PTPRD: variants seen among roughly 807,000 people sequenced by gnomAD.
PTPRD encodes protein tyrosine phosphatase receptor type D.
A neutral mutation model predicts 214.5 loss-of-function variants in PTPRD; 34 were observed. The ratio of observed to expected loss-of-function variants is 0.16; its 90% CI spans 0.12 to 0.21. The LOEUF is 0.21. PTPRD is among the 10% of genes least tolerant of loss of function. The probability of loss-of-function intolerance (pLI) is 1.00; values close to 1 mark genes in which losing one functional copy is unlikely to be tolerated. For synonymous variants in PTPRD, 1,128 were observed against 845.7 expected (o/e 1.33, Z -5.79); for missense variants, 2,545 against 2,398.7 (o/e 1.06, Z -1.27).
chr9:9,694,330 C>T (rs997790630), intron 7 of PTPRD, among the ~76,000 whole-genome samples: 1 of 151,898 alleles, frequency 6.6e-6, no homozygotes, highest in African/African-American at 2.4e-5. Flanking sequence ...TCTTGGTGGT[C>T]TTGGATAAGA....
At chr9:8,743,172 T>G (rs916014298) in intron 11 of PTPRD, among the ~76,000 whole-genome samples, 1 of 152,024 alleles carries the variant, frequency 6.6e-6, no homozygotes, top group Non-Finnish European at 1.5e-5. Flanking sequence ...CCACCAATTT[T>G]AGGTGTTTTC....
In PTPRD at chr9:9,237,647, A is replaced by G. The variant is rs533925753; in HGVS notation, c.-202-54284T>C. Among the ~76,000 whole-genome samples the G allele has an allele frequency of 6.6e-5, 10 of 152,208 alleles. 1 individual carries two copies. The highest frequency in any genetic ancestry group is 2.4e-4 in the African/African-American group (10 of 41,532). On this transcript the variant is annotated intron_variant, in intron 9 of 45. Coordinates refer to ENST00000381196, the MANE Select transcript of PTPRD (RefSeq NM_002839.4). ...AGAGATTTGCAATAATTTTTTTTTAAGAGCTCCATGGTCCAAAGCTGACTT... is the reference window on the plus strand; with the variant it reads ...AGAGATTTGCAATAATTTTTTTTTAGGAGCTCCATGGTCCAAAGCTGACTT...
chr9:8,662,018 G>A (rs568862750), intron 12 of PTPRD, among the ~76,000 whole-genome samples: 1 of 152,134 alleles, frequency 6.6e-6, no homozygotes, highest in Non-Finnish European at 1.5e-5. Context: ...CCGGGTTCAA[G>A]TGATCTTCTA....
chr9:9,877,221 T>G (rs79297351), intron 5 of PTPRD, among the ~76,000 whole-genome samples: 1,905 of 152,318 alleles, frequency 0.013, 39 homozygotes, highest in African/African-American at 0.043. Context: ...TAACTGGTAA[T>G]GCAGGTAATT....
At chr9:10,306,809 CTG>C (rs2096085659) in intron 3 of PTPRD, among the ~76,000 whole-genome samples, 1 of 152,050 alleles carries the variant, frequency 6.6e-6, no homozygotes, top group Non-Finnish European at 1.5e-5. Flanking sequence ...TGTACTGTTT[CTG>C]TGAGTTCTAG....
chr9:10,424,641 A>G (rs1224491485), intron 2 of PTPRD, among the ~76,000 whole-genome samples: 1 of 151,954 alleles, frequency 6.6e-6, no homozygotes. Context: ...GGATGTATGT[A>G]ATGCAACGAA....
chr9:9,319,719 T>G (rs895221408), intron 9 of PTPRD, among the ~76,000 whole-genome samples: 3 of 152,264 alleles, frequency 2.0e-5, no homozygotes, highest in African/African-American at 7.2e-5. Flanking sequence ...AGAAGGCACT[T>G]TAGCCTATAG....
rs1040349766 is a variant in PTPRD, at chr9:10,395,101, TA to T, written c.-599-54085del. The stretch of plus-strand genomic sequence containing the variant: ...CCTCTATTTCTGCAGGCTTTCTTTT[TA>T]TTATTATTATTATTATACTTAAAGT... On this transcript the variant is annotated intron_variant, in intron 2 of 45. Coordinates refer to ENST00000381196, the MANE Select transcript of PTPRD (RefSeq NM_002839.4). Among the ~76,000 whole-genome samples, 192 of 151,080 alleles carry T rather than the reference TA, an allele frequency of 1.3e-3. 2 individuals carry two copies. The highest frequency in any genetic ancestry group is 4.1e-3 in the African/African-American group (169 of 41,250).
intron 11 of PTPRD, among the ~76,000 whole-genome samples, chr9:8,805,519 A>T (rs1205967962): frequency 6.6e-6 from 1 of 151,850 alleles, no homozygotes; most frequent in Non-Finnish European, 1.5e-5. Flanking sequence ...AAAAAAAAAC[A>T]GAAAAATAAA....
At chr9:10,565,254 T>C (rs549008457) in intron 2 of PTPRD, among the ~76,000 whole-genome samples, 1 of 152,264 alleles carries the variant, frequency 6.6e-6, no homozygotes, top group Admixed American at 6.5e-5. Context: ...AAATTATTCA[T>C]AAATTAGATT....
intron 10 of PTPRD, among the ~76,000 whole-genome samples, chr9:9,061,365 G>A (rs1464275487): frequency 1.3e-5 from 2 of 152,128 alleles, no homozygotes; most frequent in Non-Finnish European, 2.9e-5. Context: ...AACCTTTCAT[G>A]GATATGTAGC....
intron 11 of PTPRD, among the ~76,000 whole-genome samples, chr9:8,986,226 C>A (rs879759296): frequency 2.0e-5 from 3 of 152,000 alleles, no homozygotes; most frequent in African/African-American, 7.2e-5. Context: ...TATGAACTCT[C>A]CAGAAGAAAT....
intron 11 of PTPRD, among the ~76,000 whole-genome samples, chr9:8,737,054 G>A (rs752009530): frequency 2.6e-5 from 4 of 152,152 alleles, no homozygotes; most frequent in Non-Finnish European, 5.9e-5. Flanking sequence ...TAATGACTCC[G>A]TGTGATCACA....
chr9:9,602,546 T>C (rs1463881715), intron 7 of PTPRD, among the ~76,000 whole-genome samples: 7 of 152,132 alleles, frequency 4.6e-5, no homozygotes, highest in Admixed American at 4.6e-4. Flanking sequence ...CAAAAGATTG[T>C]TACAGGAGTT....
rs752781455 is a variant in PTPRD at position 8,500,987 on chromosome 9, G to C, written c.1895C>G (p.Pro632Arg). 2.5e-6 allele frequency: 4 copies of C among 1,614,136 alleles called. No homozygotes were observed. The highest frequency in any genetic ancestry group is 1.1e-5 in the South Asian group (1 of 91,080). Residue 632 changes from proline to arginine, a missense_variant, in exon 24 of 46, where the codon CCT becomes CGT. Transcript: ENST00000381196. ...GCCATTCTGTTTTTCCACTGGTGGA[G>C]GTTGCCAACTTACCAAAATACTAGT... is the stretch of plus-strand genomic sequence containing the variant. ...SSTSILVSWQ[P>R]PPVEKQNGII... is the part of the protein sequence containing the mutation.
At chr9:9,081,148 C>T (rs2099758438) in intron 10 of PTPRD, among the ~76,000 whole-genome samples, 1 of 152,090 alleles carries the variant, frequency 6.6e-6, no homozygotes, top group Non-Finnish European at 1.5e-5. Context: ...ATAAATTTCC[C>T]TCTAAACACT....
intron 8 of PTPRD, among the ~76,000 whole-genome samples, chr9:9,433,497 G>A (rs2084022966): frequency 1.3e-5 from 2 of 152,028 alleles, no homozygotes; most frequent in Non-Finnish European, 2.9e-5. Context: ...TTTTTTTAAA[G>A]TGCTTGTTTT....
In PTPRD at chr9:8,771,645, A is replaced by G. The variant is rs189332217; in HGVS notation, c.-103-37699T>C. Among the ~76,000 whole-genome samples, 437 of 152,332 alleles carry G rather than the reference A, an allele frequency of 2.9e-3. 2 individuals are homozygous for G. Among genetic ancestry groups the G allele is most frequent in the Middle Eastern group, 0.017 (5 of 294 alleles). ...TGGATGTTTGTTTTATGAATATAAA[A>G]TTTACTCAAAGTTCCAAAGTCATCT... On this transcript the variant is annotated intron_variant, in intron 11 of 45. Coordinates refer to ENST00000381196, the MANE Select transcript of PTPRD (RefSeq NM_002839.4).
chr9:9,654,795 T>C (rs1392715220), intron 7 of PTPRD, among the ~76,000 whole-genome samples: 2 of 152,314 alleles, frequency 1.3e-5, no homozygotes, highest in Non-Finnish European at 2.9e-5. Flanking sequence ...GGTTTGTTTA[T>C]TAAGTGTATA....
Sources: gnomAD v4.1 joint callset for allele counts (sites outside exome capture counted in the v4.1 genomes callset) on GRCh38, gnomAD v4.1.1 for gene constraint, MANE v1.5 for transcripts, NCBI Gene and HGNC (gene_info 2026-07-23, HGNC 2026-07-21) for gene names.